Variants in PRKAR1A observed in about 807,000 individuals in gnomAD.
The protein encoded by PRKAR1A is protein kinase cAMP-dependent type I regulatory subunit alpha, also known as cAMP-dependent protein kinase type I-alpha regulatory subunit.
PRKAR1A carries 3 observed loss-of-function variants against 52.0 expected under a neutral mutation model. That is an observed-to-expected ratio of 0.06 (90% confidence interval 0.03 to 0.15). The LOEUF (loss-of-function observed/expected upper bound fraction) is 0.15, where lower values mean the gene tolerates loss of function less well. PRKAR1A is among the 10% of genes least tolerant of loss of function. The pLI is 1.00. For missense variants in PRKAR1A, 240 were observed against 477.4 expected, an observed-to-expected ratio of 0.50 and a Z score of 4.63; for synonymous variants, 188 against 168.4, an observed-to-expected ratio of 1.12 and a Z score of -0.90.
At chr17:68,538,481 C>T (rs943342302) in intron 11 of PRKAR1A, among the ~76,000 whole-genome samples, 1 of 152,228 alleles carries the variant, frequency 6.6e-6, no homozygotes, top group Non-Finnish European at 1.5e-5. Flanking sequence ...TTATAATTAG[C>T]TCTGCATACT....
chr17:68,458,320 T>C, the PRKAR1A span, among the ~76,000 whole-genome samples: 292 of 152,252 alleles, frequency 1.9e-3, 1 homozygote, highest in Non-Finnish European at 3.5e-3. Context: ...AAAGTAACAG[T>C]AAATGGTAGA....
the PRKAR1A span, among the ~76,000 whole-genome samples, chr17:68,429,646 T>C: frequency 6.6e-6 from 1 of 152,098 alleles, no homozygotes; most frequent in Admixed American, 6.6e-5. Flanking sequence ...TGGAGTGCAG[T>C]GGCATGATCT....
the PRKAR1A span, among the ~76,000 whole-genome samples, chr17:68,478,696 A>G: frequency 4.7e-5 from 7 of 150,240 alleles, no homozygotes; most frequent in South Asian, 1.5e-3. Flanking sequence ...GGTGTGTTAA[A>G]CCCTATGGTT....
chr17:68,471,515 T>A, the PRKAR1A span, among the ~76,000 whole-genome samples: 1 of 152,160 alleles, frequency 6.6e-6, no homozygotes, highest in Non-Finnish European at 1.5e-5. Context: ...ATGTGTAACA[T>A]CAAAACATCA....
chr17:68,490,167 G>T, the PRKAR1A span, among the ~76,000 whole-genome samples: 1 of 152,230 alleles, frequency 6.6e-6, no homozygotes, highest in South Asian at 2.1e-4. Context: ...CAGCCCTTCA[G>T]CTCCAGGCTA....
chr17:68,447,629 G>C, the PRKAR1A span, among the ~76,000 whole-genome samples: 1 of 152,094 alleles, frequency 6.6e-6, no homozygotes, highest in Non-Finnish European at 1.5e-5. Flanking sequence ...GGGCTCAAGC[G>C]ATCCTCCTGC....
At position 68,523,870 on chromosome 17, in the gene PRKAR1A, A is replaced by G. The variant is rs1425662673; in HGVS notation, c.440+54A>G. On this transcript the variant is annotated intron_variant, in intron 4 of 10. Transcript: ENST00000589228. ...TTTTCAAGTAAGGGTGTGATCCCAA[A>G]TTGTTTTCAACACTTGTTGCAAGTT... is the stretch of plus-strand genomic sequence containing the variant. 7 of 1,594,110 alleles carry G rather than the reference A, an allele frequency of 4.4e-6. No individual in the cohort carries two copies. In the East Asian group the frequency reaches 1.6e-4, roughly 36 times the overall value.
At chr17:68,417,227 ATCCCCC>A in the PRKAR1A span, among the ~76,000 whole-genome samples, 1 of 152,296 alleles carries the variant, frequency 6.6e-6, no homozygotes, top group African/African-American at 2.4e-5. Flanking sequence ...AGAGCTGGGT[ATCCCCC>A]TACCCTTAGG....
the PRKAR1A span, chr17:68,426,042 T>G: frequency 3.1e-6 from 5 of 1,589,600 alleles, no homozygotes; most frequent in Non-Finnish European, 4.3e-6. Flanking sequence ...GCACACAGAC[T>G]GAGCCGCCCA....
chr17:68,530,186 C>G, intron 10 of PRKAR1A, 91 bp from the exon 11 acceptor site: 1 of 1,536,256 alleles, frequency 6.5e-7, no homozygotes, highest in Non-Finnish European at 9.0e-7. Context: ...CTGATTGTCT[C>G]ATATCTATTG....
chr17:68,435,522 C>A, the PRKAR1A span: 1 of 1,171,222 alleles, frequency 8.5e-7, no homozygotes, highest in South Asian at 1.3e-5. Flanking sequence ...AGAGACCAGT[C>A]AGTCTTCATG....
chr17:68,482,240 T>C, the PRKAR1A span, among the ~76,000 whole-genome samples: 9 of 152,346 alleles, frequency 5.9e-5, no homozygotes, highest in East Asian at 1.5e-3. Context: ...GTCGTCTTTA[T>C]TGGCAATTTA....
downstream of PRKAR1A, among the ~76,000 whole-genome samples, chr17:68,533,667 A>G (rs2086035910): frequency 6.6e-6 from 1 of 152,250 alleles, no homozygotes; most frequent in African/African-American, 2.4e-5. Flanking sequence ...GACAACATCA[A>G]GAAGCAATGG....
At chr17:68,517,858 C>T (rs1026061110) in intron 2 of PRKAR1A, among the ~76,000 whole-genome samples, 1 of 152,234 alleles carries the variant, frequency 6.6e-6, no homozygotes, top group African/African-American at 2.4e-5. Flanking sequence ...GTCCCTTCCA[C>T]CTATGAGCCT....
At chr17:68,548,109 T>C (rs1038785730) in intron 11 of PRKAR1A, among the ~76,000 whole-genome samples, 4 of 152,094 alleles carry the variant, frequency 2.6e-5, no homozygotes, top group African/African-American at 7.2e-5. Context: ...AGAACACACA[T>C]TTAGGCCAGG....
the PRKAR1A span, among the ~76,000 whole-genome samples, chr17:68,496,818 CTTT>C: frequency 1.2e-3 from 113 of 91,208 alleles, no homozygotes; most frequent in African/African-American, 4.4e-3. Flanking sequence ...TTAGTTTTTA[CTTT>C]TTTTTTTTTT....
At chr17:68,492,246 C>G in the PRKAR1A span, among the ~76,000 whole-genome samples, 1 of 152,120 alleles carries the variant, frequency 6.6e-6, no homozygotes, top group Non-Finnish European at 1.5e-5. Context: ...ACAGGCAGTG[C>G]GGGTTCTTGG....
the PRKAR1A span, among the ~76,000 whole-genome samples, chr17:68,459,409 T>C: frequency 6.6e-6 from 1 of 152,238 alleles, no homozygotes; most frequent in South Asian, 2.1e-4. Context: ...GTTTGGACTT[T>C]ATGGGATAGA....
At chr17:68,495,694 G>C in the PRKAR1A span, among the ~76,000 whole-genome samples, 1 of 151,948 alleles carries the variant, frequency 6.6e-6, no homozygotes. Context: ...ACTTATCTGT[G>C]TATTAGTTTC....
Sources: gnomAD v4.1 joint callset for allele counts (sites outside exome capture counted in the v4.1 genomes callset) on GRCh38, gnomAD v4.1.1 for gene constraint, MANE v1.5 for transcripts, NCBI Gene and HGNC (gene_info 2026-07-23, HGNC 2026-07-21) for gene names.